TAOK1: variants seen among roughly 807,000 people sequenced by gnomAD.
TAOK1 encodes the protein TAO kinase 1, also known as serine/threonine-protein kinase TAO1.
A neutral mutation model predicts 138.3 loss-of-function variants in TAOK1; 21 were observed. That is an observed-to-expected ratio of 0.15 (90% CI 0.11 to 0.22). The LOEUF (loss-of-function observed/expected upper bound fraction) is 0.22. Ranked by LOEUF, TAOK1 falls within the 10% of genes least tolerant of loss-of-function variation. The probability of loss-of-function intolerance (pLI) is 1.00; values close to 1 mark genes in which losing one functional copy is unlikely to be tolerated. For missense variants in TAOK1, 651 were observed against 1,227.7 expected (o/e 0.53, Z 7.02); for synonymous variants, 361 against 398.4 (o/e 0.91, Z 1.12).
intron 3 of TAOK1, among the ~76,000 whole-genome samples, chr17:29,472,396 G>A (rs2030840031): frequency 6.6e-6 from 1 of 151,084 alleles, no homozygotes; most frequent in Admixed American, 6.6e-5. Flanking sequence ...GAGATTATAG[G>A]CCTGCATCCC....
At position 29,460,734 on chromosome 17, in the gene TAOK1, TTGGCA is replaced by T. The variant is rs1243141245; in HGVS notation, c.133-6408_133-6404del. On this transcript the variant is annotated intron_variant, in intron 2 of 19. Coordinates refer to ENST00000261716, the MANE Select transcript of TAOK1 (RefSeq NM_020791.4). Reference sequence around the variant, plus strand: ...CTCTTGTATTAATGTAGAGGAAAGGTTGGCATGTATCAGAGATCGAAGCAGAGAGA... The same window carrying T: ...CTCTTGTATTAATGTAGAGGAAAGGTTGTATCAGAGATCGAAGCAGAGAGA... 7.2e-5 allele frequency among the ~76,000 whole-genome samples: 11 copies of T among 152,326 alleles called. No individual in the cohort carries two copies. In the East Asian group the frequency reaches 2.1e-3, roughly 29 times the overall value.
At chr17:29,404,783 G>A (rs1013993421) in intron 1 of TAOK1, among the ~76,000 whole-genome samples, 2 of 152,064 alleles carry the variant, frequency 1.3e-5, no homozygotes, top group African/African-American at 4.8e-5. Context: ...GTGAGACCCT[G>A]TGTCTAAATA....
chr17:29,392,506 T>A (rs536621226), intron 1 of TAOK1, among the ~76,000 whole-genome samples: 1 of 152,340 alleles, frequency 6.6e-6, no homozygotes, highest in African/African-American at 2.4e-5. Flanking sequence ...TAGTACTTGT[T>A]GGTTTTGTTC....
intron 1 of TAOK1, among the ~76,000 whole-genome samples, chr17:29,446,584 C>T (rs988260514): frequency 6.6e-6 from 1 of 152,082 alleles, no homozygotes; most frequent in Non-Finnish European, 1.5e-5. Context: ...TTCTAATTTT[C>T]CTCAAAACTC....
Position 29,543,044 on chromosome 17 carries a change from T to G in TAOK1, c.*22T>G. On this transcript the variant is annotated 3_prime_UTR_variant, in exon 20 of 20. Coordinates refer to ENST00000261716, the MANE Select transcript of TAOK1 (RefSeq NM_020791.4). ...ATAACTTAATAATTGAGAGTGGCAA[T>G]TCCGCTGGAGCTGTCTGCCAAAAGA... 1 of 1,516,020 alleles carries G rather than the reference T, an allele frequency of 6.6e-7. No homozygotes were observed. Among genetic ancestry groups the G allele is most frequent in the Non-Finnish European group, 8.9e-7 (1 of 1,123,554 alleles). The allele number at this position is 1,516,020 out of a possible 1,614,324, so 93.9% of individuals were successfully genotyped here. A position where few individuals can be genotyped will look rare whatever the true frequency, so the allele number is the denominator to read the frequency against.
intron 1 of TAOK1, among the ~76,000 whole-genome samples, chr17:29,394,235 G>A (rs1415047508): frequency 1.5e-5 from 2 of 133,332 alleles, no homozygotes; most frequent in Non-Finnish European, 1.5e-5. Flanking sequence ...GCACGATCTC[G>A]GCTCACTGCA....
At chr17:29,439,217 T>A (rs1388870336) in intron 1 of TAOK1, among the ~76,000 whole-genome samples, 6 of 122,078 alleles carry the variant, frequency 4.9e-5, no homozygotes, top group African/African-American at 1.5e-4. Flanking sequence ...TTTTTTTTTT[T>A]AAGACTGATT....
intron 12 of TAOK1, 132 bp from the exon 13 acceptor site, chr17:29,502,457 A>C: frequency 4.0e-6 from 4 of 992,696 alleles, no homozygotes; most frequent in African/African-American, 1.6e-5. Context: ...CAGCATTTCT[A>C]CTTTTTGGCT....
At chr17:29,491,682 C>T in intron 9 of TAOK1, 102 bp from the exon 10 acceptor site, 5 of 792,410 alleles carry the variant, frequency 6.3e-6, no homozygotes, top group Admixed American at 3.8e-5. Context: ...TTAATCATTC[C>T]CTTTCCATTT....
chr17:29,498,641 G>C lies in TAOK1; in HGVS notation c.1203+120G>C, dbSNP rs539583311. ...TTTCCCGAAGTTTGGAACATGGCTGGGCTCAGTGGCTCATGCCTGTAATCC... is the reference window on the plus strand; with the variant it reads ...TTTCCCGAAGTTTGGAACATGGCTGCGCTCAGTGGCTCATGCCTGTAATCC... On this transcript the variant is annotated intron_variant, in intron 12 of 19. Coordinates refer to ENST00000261716, the MANE Select transcript of TAOK1 (RefSeq NM_020791.4). The C allele has an allele frequency of 7.3e-6, 8 of 1,089,368 alleles. No homozygotes were observed. The East Asian group carries it at 1.0e-4, about 14-fold the overall frequency. The allele number at this position is 1,089,368 out of a possible 1,614,324, so 67.5% of individuals were successfully genotyped here. A position where few individuals can be genotyped will look rare whatever the true frequency, so the allele number is the denominator to read the frequency against.
chr17:29,430,909 C>T (rs980105546), intron 1 of TAOK1, among the ~76,000 whole-genome samples: 1 of 152,118 alleles, frequency 6.6e-6, no homozygotes, highest in Non-Finnish European at 1.5e-5. Context: ...TCACCTGGAA[C>T]TGGCTGGAAC....
chr17:29,471,402 C>T (rs902157285), intron 3 of TAOK1, among the ~76,000 whole-genome samples: 8 of 147,542 alleles, frequency 5.4e-5, no homozygotes, highest in Admixed American at 4.8e-4. Flanking sequence ...GCTTGCCTCC[C>T]GAGTAGCTGG....
intron 1 of TAOK1, among the ~76,000 whole-genome samples, chr17:29,440,998 T>C (rs527521423): frequency 6.6e-6 from 1 of 152,372 alleles, no homozygotes; most frequent in South Asian, 2.1e-4. Context: ...TGATTTCTTT[T>C]CATATGTTGA....
At chr17:29,532,552 C>T (rs1045048859) in intron 18 of TAOK1, among the ~76,000 whole-genome samples, 10 of 152,014 alleles carry the variant, frequency 6.6e-5, no homozygotes, top group African/African-American at 1.7e-4. Context: ...TGACTCTTAA[C>T]GAGCATGCTG....
rs34253777 is a variant in TAOK1 at position 29,403,160 on chromosome 17, CAAAAAAA to C, written c.-95+12155_-95+12161del. ...TGGGTGACAGGGCAAGATTTTGTCT[CAAAAAAA>C]AAAAAAAAAAAAAAAAAATCAGTGT... On this transcript the variant is annotated intron_variant, in intron 1 of 19. Transcript: ENST00000261716. Among the ~76,000 whole-genome samples, 112 of 60,072 alleles carry C rather than the reference CAAAAAAA, an allele frequency of 1.9e-3. 5 individuals are homozygous for C. The South Asian group carries it at 0.062, about 33-fold the overall frequency. The allele number at this position is 60,072 out of a possible 152,430, so 39.4% of individuals were successfully genotyped here. A position where few individuals can be genotyped will look rare whatever the true frequency, so the allele number is the denominator to read the frequency against.
chr17:29,466,240 T>G (rs781199271), intron 2 of TAOK1, among the ~76,000 whole-genome samples: 93 of 152,230 alleles, frequency 6.1e-4, no homozygotes, highest in Non-Finnish European at 9.7e-4. Flanking sequence ...GACTCCCAGT[T>G]TCAAGCGATT....
At chr17:29,485,681 G>A (rs999981830) in intron 8 of TAOK1, among the ~76,000 whole-genome samples, 3 of 152,040 alleles carry the variant, frequency 2.0e-5, no homozygotes, top group Admixed American at 2.0e-4. Context: ...GGAAACAAAA[G>A]TACACATAGT....
intron 9 of TAOK1, 27 bp downstream of exon 9, chr17:29,489,784 T>A: frequency 6.8e-7 from 1 of 1,473,918 alleles, no homozygotes; most frequent in Non-Finnish European, 9.2e-7. Flanking sequence ...TATATATTGC[T>A]CAGTGTTGAA....
chr17:29,427,875 G>C (rs980277826), intron 1 of TAOK1, among the ~76,000 whole-genome samples: 1 of 149,432 alleles, frequency 6.7e-6, no homozygotes, highest in African/African-American at 2.5e-5. Context: ...GCAGTGAGCC[G>C]AGATTGCGCC....
Sources: allele counts gnomAD v4.1 joint callset (sites outside exome capture counted in the v4.1 genomes callset), GRCh38; gene constraint gnomAD v4.1.1; transcripts MANE v1.5; gene names NCBI Gene and HGNC (gene_info 2026-07-23, HGNC 2026-07-21).